Variants in INPP4B observed in about 807,000 individuals in gnomAD.
INPP4B encodes inositol polyphosphate 4-phosphatase type II.
INPP4B carries 55 observed loss-of-function variants against 122.5 expected under a neutral mutation model. The observed-to-expected ratio is 0.45, with a 90% CI of 0.36 to 0.56. The LOEUF (loss-of-function observed/expected upper bound fraction) is 0.56, where lower values mean the gene tolerates loss of function less well. Ranked by LOEUF, INPP4B falls within the 20% of genes least tolerant of loss-of-function variation. The probability of loss-of-function intolerance (pLI) is 0.00; values close to 1 mark genes in which losing one functional copy is unlikely to be tolerated. For missense variants in INPP4B, 1,000 were observed against 1,097.7 expected (o/e 0.91, Z 1.26); for synonymous variants, 403 against 388.7 (o/e 1.04, Z -0.43).
At chr4:142,516,592 GCAAA>G (rs1348036332) in intron 2 of INPP4B, among the ~76,000 whole-genome samples, 1 of 152,078 alleles carries the variant, frequency 6.6e-6, no homozygotes, top group Non-Finnish European at 1.5e-5. Flanking sequence ...GTGAAATAAG[GCAAA>G]CAAAGACATT....
chr4:142,312,082 A>G (rs368832448), intron 8 of INPP4B, among the ~76,000 whole-genome samples: 62 of 152,366 alleles, frequency 4.1e-4, no homozygotes, highest in African/African-American at 1.4e-3. Flanking sequence ...GGCATGTCAC[A>G]GGATACCAAT....
At chr4:142,343,960 T>C (rs1026851054) in intron 7 of INPP4B, among the ~76,000 whole-genome samples, 3 of 152,104 alleles carry the variant, frequency 2.0e-5, no homozygotes, top group Admixed American at 6.6e-5. Flanking sequence ...GGACCATAAA[T>C]AGCTCACTAA....
chr4:142,525,131 A>G (rs1560757046), intron 2 of INPP4B, among the ~76,000 whole-genome samples: 1 of 150,756 alleles, frequency 6.6e-6, no homozygotes. Flanking sequence ...GTGAACTCCC[A>G]TTCACAATTG....
chr4:142,776,098 C>T (rs139889537), intron 1 of INPP4B, among the ~76,000 whole-genome samples: 193 of 152,206 alleles, frequency 1.3e-3, no homozygotes, highest in African/African-American at 4.5e-3. Context: ...TCTACCCCAA[C>T]GATGTAATTT....
chr4:142,681,550 C>T (rs1013209586), intron 2 of INPP4B, among the ~76,000 whole-genome samples: 1 of 151,568 alleles, frequency 6.6e-6, no homozygotes, highest in African/African-American at 2.4e-5. Flanking sequence ...AAGAAAACAT[C>T]TGGATAACTC....
intron 2 of INPP4B, among the ~76,000 whole-genome samples, chr4:142,500,660 AATGAAC>A (rs1195706579): frequency 6.6e-6 from 1 of 152,186 alleles, no homozygotes; most frequent in Admixed American, 6.5e-5. Flanking sequence ...ATAATGCTGC[AATGAAC>A]ATGGGACTGC....
chr4:142,045,931 T>C (rs1211543350), intron 25 of INPP4B, among the ~76,000 whole-genome samples: 1 of 151,720 alleles, frequency 6.6e-6, no homozygotes, highest in East Asian at 1.9e-4. Flanking sequence ...TGAGGAAAAA[T>C]ATGAGTGCAA....
chr4:142,073,201 C>T (rs1768565298), intron 25 of INPP4B, among the ~76,000 whole-genome samples: 1 of 152,228 alleles, frequency 6.6e-6, no homozygotes. Context: ...CATTCACACT[C>T]ATATGAGTTC....
At chr4:142,106,126 G>A (rs1186310528) in intron 23 of INPP4B, among the ~76,000 whole-genome samples, 1 of 152,112 alleles carries the variant, frequency 6.6e-6, no homozygotes, top group Non-Finnish European at 1.5e-5. Context: ...CAAAATATCA[G>A]AAAACAATCC....
intron 23 of INPP4B, among the ~76,000 whole-genome samples, chr4:142,087,670 C>T (rs1018284570): frequency 6.6e-6 from 1 of 152,156 alleles, no homozygotes; most frequent in African/African-American, 2.4e-5. Context: ...TACAAGTTCA[C>T]AAAAACTGAC....
chr4:142,754,666 T>C (rs1255726705), intron 1 of INPP4B, among the ~76,000 whole-genome samples: 1 of 152,060 alleles, frequency 6.6e-6, no homozygotes, highest in African/African-American at 2.4e-5. Context: ...TAAAACTATA[T>C]GCATATCAGT....
chr4:142,135,529 C>A (rs1172465463), intron 18 of INPP4B, among the ~76,000 whole-genome samples: 5 of 152,254 alleles, frequency 3.3e-5, no homozygotes, highest in South Asian at 2.1e-4. Flanking sequence ...GGAGCAGTGA[C>A]CCCCTTTTGG....
intron 7 of INPP4B, among the ~76,000 whole-genome samples, chr4:142,382,427 T>C (rs1012214097): frequency 1.4e-4 from 21 of 151,574 alleles, no homozygotes; most frequent in Non-Finnish European, 2.6e-4. Flanking sequence ...GAGAATCACT[T>C]GAACCGAGGA....
At chr4:142,201,272 G>A (rs951410403) in intron 14 of INPP4B, among the ~76,000 whole-genome samples, 3 of 151,940 alleles carry the variant, frequency 2.0e-5, no homozygotes, top group Non-Finnish European at 4.4e-5. Context: ...TTTGTCACAT[G>A]GTCTGAAATA....
chr4:142,369,478 G>A (rs2148673512), intron 7 of INPP4B, among the ~76,000 whole-genome samples: 1 of 151,902 alleles, frequency 6.6e-6, no homozygotes, highest in Middle Eastern at 3.4e-3. Flanking sequence ...TTGGGAGGCT[G>A]AGGTAGGAGG....
chr4:142,448,188 G>C (rs1813322143), intron 3 of INPP4B, among the ~76,000 whole-genome samples: 1 of 151,942 alleles, frequency 6.6e-6, no homozygotes, highest in South Asian at 2.1e-4. Flanking sequence ...GGTTAAATAG[G>C]TTTCCTGGCC....
intron 12 of INPP4B, among the ~76,000 whole-genome samples, chr4:142,233,554 C>T (rs1340688137): frequency 2.0e-5 from 3 of 151,978 alleles, no homozygotes; most frequent in Admixed American, 2.0e-4. Flanking sequence ...ACTAAAGCAC[C>T]TGTCATTTTC....
At chr4:142,221,041 C>T (rs558549856) in intron 12 of INPP4B, among the ~76,000 whole-genome samples, 4 of 152,154 alleles carry the variant, frequency 2.6e-5, no homozygotes, top group Admixed American at 6.5e-5. Context: ...GGGCAAGGCA[C>T]GATTCAGCCC....
At chr4:142,466,775 G>A (rs772447582) in intron 2 of INPP4B, among the ~76,000 whole-genome samples, 2 of 152,180 alleles carry the variant, frequency 1.3e-5, no homozygotes, top group Non-Finnish European at 2.9e-5. Flanking sequence ...GGAAAGAATA[G>A]TTTCAGGGGC....
Sources: allele counts gnomAD v4.1 joint callset (sites outside exome capture counted in the v4.1 genomes callset), GRCh38; gene constraint gnomAD v4.1.1; transcripts MANE v1.5; gene names NCBI Gene and HGNC (gene_info 2026-07-23, HGNC 2026-07-21).